CAV1: variants seen among roughly 807,000 people sequenced by gnomAD.
The protein encoded by CAV1 is caveolin-1.
In CAV1, 10 loss-of-function variants were observed where a neutral mutation model predicts 16.5. The ratio of observed to expected loss-of-function variants is 0.61; its 90% CI spans 0.37 to 1.03. CAV1 has a LOEUF of 1.03. Ranked by LOEUF, CAV1 falls within the 50% of genes least tolerant of loss-of-function variation. The pLI is 0.01. For synonymous variants in CAV1, 76 were observed against 85.1 expected (o/e 0.89, Z 0.59); for missense variants, 212 against 232.8 (o/e 0.91, Z 0.58).
At chr7:116,530,961 T>A (rs542109058) in intron 2 of CAV1, among the ~76,000 whole-genome samples, 2 of 152,250 alleles carry the variant, frequency 1.3e-5, no homozygotes, top group Admixed American at 6.5e-5. Context: ...TCAGATGTAA[T>A]TGCATCATGG....
chr7:116,525,349 T>G (rs1459081011), intron 1 of CAV1: 2 of 1,543,644 alleles, frequency 1.3e-6, no homozygotes, highest in South Asian at 2.4e-5. Context: ...GGGATTGGGG[T>G]CCTGAGATTG....
chr7:116,530,037 A>G (rs1261242396), intron 2 of CAV1, among the ~76,000 whole-genome samples: 1 of 152,200 alleles, frequency 6.6e-6, no homozygotes, highest in Non-Finnish European at 1.5e-5. Context: ...AACCCATGCA[A>G]TATGCTAGAT....
At position 116,555,521 on chromosome 7, in the gene CAV1, AGAGAGAGAGAGAGAGAGAGAGAGAAAG is replaced by A. The variant is rs1562838227; in HGVS notation, c.196-3424_196-3398del. Among the ~76,000 whole-genome samples the A allele has an allele frequency of 3.3e-3, 34 of 10,166 alleles. 2 individuals carry two copies. The highest frequency in any genetic ancestry group is 0.013 in the East Asian group (2 of 158). 6.7% of individuals were successfully genotyped at this position (10,166 alleles called of 152,430 possible). ...GAAAGAAAGAAAGAAAGAAAGAAAG[AGAGAGAGAGAGAGAGAGAGAGAGAAAG>A]AAAGAAAGAAAGAAAGAAAGAAAGA... On this transcript the variant is annotated intron_variant, in intron 2 of 2. Coordinates refer to ENST00000341049, the MANE Select transcript of CAV1 (RefSeq NM_001753.5).
At chr7:116,529,581 A>C (rs1168004426) in intron 2 of CAV1, among the ~76,000 whole-genome samples, 1 of 151,824 alleles carries the variant, frequency 6.6e-6, no homozygotes, top group Non-Finnish European at 1.5e-5. Flanking sequence ...CAACAACAAA[A>C]CTCTAGAGAA....
chr7:116,526,821 CAG>C (rs1015881398), intron 2 of CAV1, 132 bp downstream of exon 2: 15 of 1,034,084 alleles, frequency 1.5e-5, no homozygotes, highest in African/African-American at 1.4e-4. Context: ...CACACACACA[CAG>C]AGTTTTGTGG....
chr7:116,552,142 G>A (rs1156778465), intron 2 of CAV1, among the ~76,000 whole-genome samples: 1 of 152,134 alleles, frequency 6.6e-6, no homozygotes, highest in Non-Finnish European at 1.5e-5. Context: ...CATTACACAA[G>A]GGAATGAACA....
At chr7:116,532,752 C>T (rs941695007) in intron 2 of CAV1, among the ~76,000 whole-genome samples, 1 of 152,200 alleles carries the variant, frequency 6.6e-6, no homozygotes, top group African/African-American at 2.4e-5. Context: ...ACTTTTGTAA[C>T]TGTCTTCTCT....
At chr7:116,551,790 C>A (rs1289539744) in intron 2 of CAV1, 1 of 152,060 alleles carries the variant, frequency 6.6e-6, no homozygotes, top group African/African-American at 2.4e-5. Flanking sequence ...GGCTGGGATC[C>A]TTTCAAGGCT....
rs553199635 is a variant in CAV1 at position 116,525,945 on chromosome 7, G to C, written c.31-580G>C. 1.5e-5 allele frequency: 9 copies of C among 584,586 alleles called. No individual in the cohort carries two copies. The South Asian group carries it at 5.8e-4, about 38-fold the overall frequency. 36.2% of individuals were successfully genotyped at this position (584,586 alleles called of 1,614,324 possible). ...AAGAGAGGGCCGAGGCAGGGTGGGGGGCGCGGGCAGGTGCGAGGGGGATGC... is the reference window on the plus strand; with the variant it reads ...AAGAGAGGGCCGAGGCAGGGTGGGGCGCGCGGGCAGGTGCGAGGGGGATGC... On this transcript the variant is annotated intron_variant, in intron 1 of 2. Transcript: ENST00000341049.
rs901844796 is a variant in CAV1 at position 116,525,450 on chromosome 7, T to C, written c.30+358T>C. 8.7e-6 allele frequency: 12 copies of C among 1,380,072 alleles called. 2 individuals are homozygous for C. In the Admixed American group the frequency reaches 3.2e-4, roughly 37 times the overall value. 85.5% of individuals were successfully genotyped at this position (1,380,072 alleles called of 1,614,324 possible). ...GCGGTCCGGCCCTGCCTGCTGGGGG[T>C]TCGAAGAGGTGGAGTGCAGGGTGGA... On this transcript the variant is annotated intron_variant, in intron 1 of 2. Coordinates refer to ENST00000341049, the MANE Select transcript of CAV1 (RefSeq NM_001753.5).
At chr7:116,533,813 TAAAC>T (rs915046283) in intron 2 of CAV1, among the ~76,000 whole-genome samples, 2 of 152,316 alleles carry the variant, frequency 1.3e-5, no homozygotes, top group Non-Finnish European at 2.9e-5. Context: ...TCTGGGCAAA[TAAAC>T]AAGGCAAAAT....
rs201767738 is a variant in CAV1 at position 116,525,107 on chromosome 7, G to T, written c.30+15G>T. The T allele has an allele frequency of 9.9e-6, 16 of 1,614,230 alleles. No individual in the cohort carries two copies. The East Asian group carries it at 2.5e-4, about 25-fold the overall frequency. On this transcript the variant is annotated intron_variant, in intron 1 of 2. Transcript: ENST00000341049. ...TAGACTCGGAGGTAGGCATCCGTGG[G>T]GGGGCGCCGGCTCGGGCGTGCGGGG...
chr7:116,534,382 TATATATA>T (rs1272106195), intron 2 of CAV1, among the ~76,000 whole-genome samples: 3 of 12,242 alleles, frequency 2.5e-4, no homozygotes, highest in African/African-American at 5.6e-4. Flanking sequence ...TATATATATA[TATATATA>T]TATATATTTT....
chr7:116,525,207 A>AG (rs1478349383), intron 1 of CAV1, 115 bp downstream of exon 1: 2 of 1,613,390 alleles, frequency 1.2e-6, no homozygotes, highest in South Asian at 2.2e-5. Context: ...TCCACTTCGG[A>AG]GCACTCCTCT....
chr7:116,553,336 G>T (rs1794200779), intron 2 of CAV1, among the ~76,000 whole-genome samples: 1 of 151,782 alleles, frequency 6.6e-6, no homozygotes, highest in African/African-American at 2.4e-5. Flanking sequence ...CTTGATTTGT[G>T]TTAACTCATG....
At chr7:116,546,959 C>T (rs1794064319) in intron 2 of CAV1, among the ~76,000 whole-genome samples, 1 of 152,164 alleles carries the variant, frequency 6.6e-6, no homozygotes, top group African/African-American at 2.4e-5. Context: ...GGAAGGCCTT[C>T]CTTGTCTCTC....
chr7:116,558,105 T>C (rs1219320021), intron 2 of CAV1, among the ~76,000 whole-genome samples: 3 of 152,178 alleles, frequency 2.0e-5, no homozygotes, highest in Non-Finnish European at 4.4e-5. Flanking sequence ...TGAAGCCTTC[T>C]TGATGCCTCC....
intron 1 of CAV1, chr7:116,525,496 T>G: frequency 7.9e-7 from 1 of 1,268,228 alleles, no homozygotes; most frequent in East Asian, 4.4e-5. Context: ...ACCCGAGTCC[T>G]GGGGACAGTC....
intron 2 of CAV1, among the ~76,000 whole-genome samples, chr7:116,555,616 AAG>A (rs1562838800): frequency 7.4e-6 from 1 of 135,274 alleles, no homozygotes; most frequent in Non-Finnish European, 1.6e-5. Flanking sequence ...GAAAGAAAGA[AAG>A]AAGGGAGGGA....
Sources: allele counts gnomAD v4.1 joint callset (sites outside exome capture counted in the v4.1 genomes callset), GRCh38; gene constraint gnomAD v4.1.1; transcripts MANE v1.5; gene names NCBI Gene and HGNC (gene_info 2026-07-23, HGNC 2026-07-21).